The following DDX52 variants were observed in gnomAD, a reference collection of about 807,000 sequenced individuals.
DDX52 encodes probable ATP-dependent RNA helicase DDX52.
Under a neutral mutation model 76.1 loss-of-function variants are expected in DDX52, and 59 were observed. That is an observed-to-expected ratio of 0.78 (90% CI 0.63 to 0.96). DDX52 has a LOEUF of 0.96. DDX52 is among the 40% of genes least tolerant of loss of function. The pLI is 0.00. For synonymous variants in DDX52, 231 were observed against 244.1 expected (o/e 0.95, Z 0.50); for missense variants, 707 against 703.9 (o/e 1.00, Z -0.05).
chr17:37,617,984 G>A (rs990825859), intron 14 of DDX52, among the ~76,000 whole-genome samples: 1 of 151,950 alleles, frequency 6.6e-6, no homozygotes, highest in Non-Finnish European at 1.5e-5. Context: ...GTGTGGTGGC[G>A]GGAGCCTGTA....
chr17:37,630,828 G>A (rs2030646045), intron 4 of DDX52: 1 of 152,216 alleles, frequency 6.6e-6, no homozygotes, highest in Non-Finnish European at 1.5e-5. Flanking sequence ...TTTTAGTAGA[G>A]ACAGGGTTTC....
At chr17:37,623,782 G>C (rs548299996) in intron 9 of DDX52, among the ~76,000 whole-genome samples, 1 of 152,292 alleles carries the variant, frequency 6.6e-6, no homozygotes, top group African/African-American at 2.4e-5. Context: ...CTTTATCAGA[G>C]ACTATCTTAC....
At chr17:37,642,040 A>G in intron 2 of DDX52, 70 bp downstream of exon 2, 3 of 1,587,454 alleles carry the variant, frequency 1.9e-6, no homozygotes, top group East Asian at 2.2e-5. Context: ...ACTTGTAGCC[A>G]TAAGCCTGTA....
chr17:37,628,526 A>G (rs977395552), intron 6 of DDX52, 35 bp downstream of exon 6: 4 of 1,484,600 alleles, frequency 2.7e-6, no homozygotes, highest in African/African-American at 2.8e-5. Context: ...GATTCCTTAC[A>G]TGCTCTATCT....
rs186066228 is a variant in DDX52, at chr17:37,621,518, A to G, written c.1230T>C (p.Gly410=). The G allele has an allele frequency of 2.5e-5, 40 of 1,601,408 alleles. No homozygotes were observed. Among genetic ancestry groups the G allele is most frequent in the Non-Finnish European group, 5.1e-6 (6 of 1,176,956 alleles). ...LLAVRELVKK[G]FNPPVLVFVQ... ...CAAAAACAAGAACAGGTGGATTGAAACCCTAAAAGAAGACAAAAATTGGCA... is the reference window on the plus strand; with the variant it reads ...CAAAAACAAGAACAGGTGGATTGAAGCCCTAAAAGAAGACAAAAATTGGCA... Residue 410 remains glycine, a splice_region_variant and synonymous_variant, in exon 10 of 15, where the codon GGT becomes GGC. Transcript: ENST00000617633.
At chr17:37,631,272 A>C (rs1356237672) in intron 4 of DDX52, 1 of 152,266 alleles carries the variant, frequency 6.6e-6, no homozygotes, top group Admixed American at 6.5e-5. Flanking sequence ...AAATTGTGGT[A>C]TATTCATACA....
In DDX52 at chr17:37,609,780, T is replaced by G. The variant is rs992425149; in HGVS notation, c.*4516A>C. 3.1e-5 allele frequency: 5 copies of G among 163,234 alleles called. No individual in the cohort carries two copies. Among genetic ancestry groups the G allele is most frequent in the Non-Finnish European group, 6.6e-5 (5 of 75,426 alleles). The allele number at this position is 163,234 out of a possible 1,614,324, so 10.1% of individuals were successfully genotyped here. ...TGGGTACACTGGTGTTCTTTTATTG[T>G]TACTCTTTACACACAAAGAACAGAT... On this transcript the variant is annotated 3_prime_UTR_variant, in exon 15 of 15. Coordinates refer to ENST00000617633, the MANE Select transcript of DDX52 (RefSeq NM_007010.5).
At chr17:37,637,315 G>T (rs1334349885) in intron 2 of DDX52, among the ~76,000 whole-genome samples, 1 of 151,686 alleles carries the variant, frequency 6.6e-6, no homozygotes, top group African/African-American at 2.4e-5. Flanking sequence ...ATTTTTAGTA[G>T]AGACGGGGTT....
chr17:37,628,597 C>T lies in DDX52; in HGVS notation c.823G>A (p.Ala275Thr), dbSNP rs2147353204. Reference sequence around the variant, plus strand: ...GATGATTTAGGTCCAAATTTCTTGGCTGCCACTGCTGCTTTGTGGATCATG... The same window carrying T: ...GATGATTTAGGTCCAAATTTCTTGGTTGCCACTGCTGCTTTGTGGATCATG... ...IHMIHKAAVAAKKFGPKSSKK... is the reference protein window; with the variant it reads ...IHMIHKAAVATKKFGPKSSKK... Residue 275 changes from alanine (A) to threonine (T), a missense_variant, in exon 6 of 15, where the codon GCC becomes ACC. Coordinates refer to ENST00000617633, the MANE Select transcript of DDX52 (RefSeq NM_007010.5). 1 of 1,612,840 alleles carries T rather than the reference C, an allele frequency of 6.2e-7. No homozygotes were observed. The highest frequency in any genetic ancestry group is 8.5e-7 in the Non-Finnish European group (1 of 1,179,632).
chr17:37,617,662 T>A (rs949292199), intron 14 of DDX52, among the ~76,000 whole-genome samples: 1 of 152,204 alleles, frequency 6.6e-6, no homozygotes, highest in Admixed American at 6.5e-5. Context: ...GAAGACTAGA[T>A]CCATGTAAGT....
At chr17:37,623,402 G>A (rs1235162891) in intron 9 of DDX52, among the ~76,000 whole-genome samples, 3 of 152,110 alleles carry the variant, frequency 2.0e-5, no homozygotes, top group South Asian at 2.1e-4. Context: ...TCCAGCCTGG[G>A]TGAAAGAGCG....
chr17:37,622,242 T>C (rs2030137394), intron 9 of DDX52, among the ~76,000 whole-genome samples: 1 of 152,082 alleles, frequency 6.6e-6, no homozygotes, highest in Admixed American at 6.6e-5. Context: ...ACCCTTACTC[T>C]CTCTCAAACC....
rs543955294 is a variant in DDX52 at position 37,613,370 on chromosome 17, A to G, written c.*926T>C. 11 of 152,350 alleles carry G rather than the reference A, an allele frequency of 7.2e-5. No individual in the cohort carries two copies. The South Asian group carries it at 2.3e-3, about 32-fold the overall frequency. The allele number at this position is 152,350 out of a possible 1,614,324, so 9.4% of individuals were successfully genotyped here. ...GCTGTAAGAGAATGAAGACAGAGGTATATCAAGTAACAAGAACATTCTTCC... is the reference window on the plus strand; with the variant it reads ...GCTGTAAGAGAATGAAGACAGAGGTGTATCAAGTAACAAGAACATTCTTCC... On this transcript the variant is annotated 3_prime_UTR_variant, in exon 15 of 15. Transcript: ENST00000617633.
rs148152830 is a variant in DDX52 at position 37,626,827 on chromosome 17, T to C, written c.893A>G (p.Tyr298Cys). 21 of 1,611,830 alleles carry C rather than the reference T, an allele frequency of 1.3e-5. No homozygotes were observed. The highest frequency in any genetic ancestry group is 2.7e-5 in the African/African-American group (2 of 74,712). Residue 298 changes from tyrosine (Y) to cysteine (C), a missense_variant, in exon 7 of 15, where the codon TAT becomes TGT. Physicochemically the swap from Tyr to Cys is radical, Grantham distance 194. Coordinates refer to ENST00000617633, the MANE Select transcript of DDX52 (RefSeq NM_007010.5). ...TCCGGGGGGATCTTGCTTTAATAAA[T>C]AGATTAGTCGATTTGGAGTAGTCAC... is the stretch of plus-strand genomic sequence containing the variant. ...ILVTTPNRLI[Y>C]LLKQDPPGID...
In DDX52 at chr17:37,612,602, G is replaced by A. The variant is rs770078489; in HGVS notation, c.*1694C>T. The A allele has an allele frequency of 1.3e-5, 2 of 152,118 alleles. No homozygotes were observed. The highest frequency in any genetic ancestry group is 4.8e-5 in the African/African-American group (2 of 41,424). The allele number at this position is 152,118 out of a possible 1,614,324, so 9.4% of individuals were successfully genotyped here. On this transcript the variant is annotated 3_prime_UTR_variant, in exon 15 of 15. Transcript: ENST00000617633. Reference sequence around the variant, plus strand: ...TTACACAATGACAATATCACCTAACGATGCATTTCTCAGAACATATCTCTG... The same window carrying A: ...TTACACAATGACAATATCACCTAACAATGCATTTCTCAGAACATATCTCTG...
chr17:37,631,094 A>G (rs2030660654), intron 4 of DDX52: 2 of 152,254 alleles, frequency 1.3e-5, no homozygotes, highest in Admixed American at 6.5e-5. Context: ...AAGGACTAGT[A>G]TAGAGATGAA....
intron 2 of DDX52, 48 bp from the exon 3 acceptor site, chr17:37,633,466 A>C: frequency 7.1e-7 from 1 of 1,417,494 alleles, no homozygotes; most frequent in Non-Finnish European, 9.3e-7. Context: ...TCTAGGCAAC[A>C]TAGTGAGGAC....
chr17:37,626,427 G>A (rs778845978), intron 7 of DDX52, among the ~76,000 whole-genome samples: 4 of 152,044 alleles, frequency 2.6e-5, no homozygotes, highest in Non-Finnish European at 4.4e-5. Context: ...TGCCATGACC[G>A]TAAGTTTCCT....
intron 2 of DDX52, 117 bp downstream of exon 2, chr17:37,641,993 C>T (rs1026524204): frequency 1.6e-6 from 2 of 1,262,832 alleles, no homozygotes; most frequent in Admixed American, 4.7e-5. Flanking sequence ...TGGAAACAAC[C>T]TGAGTGCCAT....
Sources: allele counts gnomAD v4.1 joint callset (sites outside exome capture counted in the v4.1 genomes callset), GRCh38; gene constraint gnomAD v4.1.1; transcripts MANE v1.5; gene names NCBI Gene and HGNC (gene_info 2026-07-23, HGNC 2026-07-21).